The following VPS13C variants were observed in gnomAD, a reference collection of about 807,000 sequenced individuals.
VPS13C encodes intermembrane lipid transfer protein VPS13C.
Under a neutral mutation model 456.8 loss-of-function variants are expected in VPS13C, and 358 were observed. The ratio of observed to expected loss-of-function variants is 0.78; its 90% CI spans 0.72 to 0.86. The LOEUF (loss-of-function observed/expected upper bound fraction) is 0.86. Among genes scored for constraint, VPS13C ranks in the 40% least tolerant of loss-of-function variants. The pLI is 0.00. For synonymous variants in VPS13C, 1,578 were observed against 1,486.7 expected (o/e 1.06, Z -1.41); for missense variants, 4,818 against 4,385.4 (o/e 1.10, Z -2.79).
At chr15:62,060,214 G>C in intron 1 of VPS13C, 61 bp downstream of exon 1, 1 of 953,498 alleles carries the variant, frequency 1.0e-6, no homozygotes, top group Non-Finnish European at 1.6e-6. Flanking sequence ...AATCCCGGAC[G>C]GAGCAGCCCT....
Position 62,032,826 on chromosome 15 carries a change from A to G in VPS13C, c.385+615T>C, listed in dbSNP as rs141913533. Among the ~76,000 whole-genome samples the G allele has an allele frequency of 1.1e-3, 166 of 151,886 alleles. 1 individual carries two copies. Among genetic ancestry groups the G allele is most frequent in the African/African-American group, 3.7e-3 (154 of 41,520 alleles). ...AATAGATGTCTGGAAAAGTCCTTCA[A>G]TTCATCACTCTATAGACTACTCTTT... On this transcript the variant is annotated intron_variant, in intron 5 of 84. Transcript: ENST00000644861.
chr15:61,871,908 T>C (rs1895059687), intron 79 of VPS13C, 81 bp downstream of exon 79: 2 of 1,241,364 alleles, frequency 1.6e-6, no homozygotes, highest in South Asian at 1.4e-5. Flanking sequence ...ATCAAGTATA[T>C]AGCAGCAATA....
intron 63 of VPS13C, 132 bp downstream of exon 63, chr15:61,911,708 C>G: frequency 2.1e-6 from 2 of 939,620 alleles, no homozygotes; most frequent in Non-Finnish European, 2.9e-6. Context: ...AGAGAAAAAT[C>G]TTTCAAAGCT....
Position 61,863,470 on chromosome 15 carries a change from C to T in VPS13C, c.10922G>A (p.Ser3641Asn). 1.2e-6 allele frequency: 2 copies of T among 1,612,912 alleles called. No individual in the cohort carries two copies. The highest frequency in any genetic ancestry group is 1.7e-6 in the Non-Finnish European group (2 of 1,179,246). ...TYRYHCAIPG[S>N]KKTILMVTNR... ...TGTAACCATAAGGATTGTCTTCTTG[C>T]TTCCAGGAATAGCACAGTGGTATCG... The change falls in exon 82 of 85, where the codon AGC becomes AAC. Residue 3641 changes from serine to asparagine, a missense_variant. Transcript: ENST00000644861.
rs1052856391 is a variant in VPS13C, at chr15:62,004,326, C to A, written c.1290+2982G>T. Among the ~76,000 whole-genome samples, 13 of 152,082 alleles carry A rather than the reference C, an allele frequency of 8.5e-5. No homozygotes were observed. The East Asian group carries it at 1.5e-3, about 18-fold the overall frequency. ...TTTGCATAGAGGTGTTTGTAGTATTCTCTGATGGTAGTTTGTATTTCTGTG... is the reference window on the plus strand; with the variant it reads ...TTTGCATAGAGGTGTTTGTAGTATTATCTGATGGTAGTTTGTATTTCTGTG... On this transcript the variant is annotated intron_variant, in intron 15 of 84. Transcript: ENST00000644861.
At chr15:61,875,905 G>A in intron 75 of VPS13C, 60 bp from the exon 76 acceptor site, 1 of 1,154,982 alleles carries the variant, frequency 8.7e-7, no homozygotes. Context: ...ACATCATAAT[G>A]AAATAGAAAA....
intron 66 of VPS13C, among the ~76,000 whole-genome samples, chr15:61,897,856 G>T (rs1293918244): frequency 1.3e-5 from 2 of 152,158 alleles, no homozygotes; most frequent in African/African-American, 4.8e-5. Flanking sequence ...CAGAGAGAAA[G>T]GTCGGGTTAC....
chr15:61,892,563 A>G (rs2042684159), intron 66 of VPS13C, among the ~76,000 whole-genome samples: 1 of 152,174 alleles, frequency 6.6e-6, no homozygotes, highest in Non-Finnish European at 1.5e-5. Context: ...GAATAAATAA[A>G]TAATCCTTCA....
intron 37 of VPS13C, among the ~76,000 whole-genome samples, chr15:61,957,246 G>A (rs984524511): frequency 3.9e-5 from 6 of 152,038 alleles, no homozygotes; most frequent in Non-Finnish European, 7.4e-5. Context: ...TTCAAGAAGA[G>A]GCAAAACTAA....
chr15:62,036,875 G>A (rs899898371), intron 3 of VPS13C, among the ~76,000 whole-genome samples: 1 of 151,330 alleles, frequency 6.6e-6, no homozygotes, highest in African/African-American at 2.4e-5. Context: ...CCACAAATAT[G>A]TCTAGCTCTT....
In VPS13C at chr15:61,978,681, T is replaced by C. The variant is rs1284354047; in HGVS notation, c.2235A>G (p.Ala745=). The change falls in exon 23 of 85, where the codon GCA becomes GCG. Residue 745 remains alanine (A), a synonymous_variant. Transcript: ENST00000644861. ...TTATTTCAACATCAAACTTGTCATA[T>C]GCCTTATCCATTATTTCTTCCAGAG... ...NSSLEEIMDK[A]YDKFDVEIKN... is the part of the protein sequence containing the mutation. The C allele has an allele frequency of 6.2e-7, 1 of 1,613,106 alleles. No homozygotes were observed. Among genetic ancestry groups the C allele is most frequent in the South Asian group, 1.1e-5 (1 of 90,958 alleles).
rs377761516 is a variant in VPS13C at position 61,869,640 on chromosome 15, A to G, written c.10625-17T>C. On this transcript the variant is annotated splice_polypyrimidine_tract_variant and intron_variant, in intron 79 of 84. Transcript: ENST00000644861. The stretch of plus-strand genomic sequence containing the variant: ...TTTTGGCACCTTCAGAAAACCAATG[A>G]CCATGAATGGATAAAGATATTTTTA... 1.4e-5 allele frequency: 22 copies of G among 1,613,618 alleles called. No individual in the cohort carries two copies. In the African/African-American group the frequency reaches 2.8e-4, roughly 21 times the overall value.
intron 66 of VPS13C, among the ~76,000 whole-genome samples, chr15:61,903,545 A>G (rs2043067031): frequency 6.6e-6 from 1 of 152,224 alleles, no homozygotes. Flanking sequence ...TTCATGGTTT[A>G]TAAGAATTTA....
intron 61 of VPS13C, among the ~76,000 whole-genome samples, chr15:61,914,540 G>A (rs190258782): frequency 6.6e-6 from 1 of 151,690 alleles, no homozygotes; most frequent in East Asian, 2.0e-4. Context: ...CTGCACTCCA[G>A]CCTGGGCAAC....
rs1197828103 is a variant in VPS13C at position 61,867,392 on chromosome 15, C to T, written c.10863+1267G>A. ...AAATTCATGTGCCAACTATTTATTA[C>T]TTGAGGTCTAAGGGCAGGCTCAGAG... On this transcript the variant is annotated intron_variant, in intron 81 of 84. Coordinates refer to ENST00000644861, the MANE Select transcript of VPS13C (RefSeq NM_020821.3). The surrounding 1 kb of genome is among the most constrained non-coding windows in gnomAD (Gnocchi z 5.0). 3.0e-6 allele frequency: 3 copies of T among 985,344 alleles called. No homozygotes were observed. The African/African-American group carries it at 5.2e-5, about 17-fold the overall frequency. The allele number at this position is 985,344 out of a possible 1,614,324, so 61.0% of individuals were successfully genotyped here.
chr15:61,950,431 A>G lies in VPS13C; in HGVS notation c.4537-14T>C. The stretch of plus-strand genomic sequence containing the variant: ...ATCACTGTCTGCCTACAAATAGTGG[A>G]GAATTACACCACTGAGTTTCAAACA... On this transcript the variant is annotated splice_polypyrimidine_tract_variant and intron_variant, in intron 40 of 84. Transcript: ENST00000644861. 1 of 1,595,022 alleles carries G rather than the reference A, an allele frequency of 6.3e-7. No individual in the cohort carries two copies. The highest frequency in any genetic ancestry group is 8.6e-7 in the Non-Finnish European group (1 of 1,163,794).
chr15:62,018,452 A>G (rs1301711393), intron 9 of VPS13C, among the ~76,000 whole-genome samples: 2 of 151,682 alleles, frequency 1.3e-5, no homozygotes, highest in African/African-American at 4.9e-5. Flanking sequence ...TTATTTTGAG[A>G]TACATCCCAT....
At chr15:61,998,692 C>T (rs936511814) in intron 16 of VPS13C, among the ~76,000 whole-genome samples, 1 of 152,142 alleles carries the variant, frequency 6.6e-6, no homozygotes, top group Non-Finnish European at 1.5e-5. Flanking sequence ...ATAATGCAAG[C>T]ATAACAGACA....
chr15:61,881,353 T>C (rs752667455), intron 71 of VPS13C, among the ~76,000 whole-genome samples: 5 of 152,160 alleles, frequency 3.3e-5, no homozygotes, highest in Non-Finnish European at 7.4e-5. Flanking sequence ...GGGAAGAAGA[T>C]GGTTGAAGAA....
Sources: gnomAD v4.1 joint callset for allele counts (sites outside exome capture counted in the v4.1 genomes callset) on GRCh38, gnomAD v4.1.1 for gene constraint, Gnocchi (gnomAD v3.1) non-coding constraint, MANE v1.5 for transcripts, NCBI Gene and HGNC (gene_info 2026-07-23, HGNC 2026-07-21) for gene names.